The following NEMP2 variants were observed in gnomAD, a reference collection of about 807,000 sequenced individuals.
NEMP2 encodes UPF0571 transmembrane protein.
NEMP2 carries 53 observed loss-of-function variants against 54.2 expected under a neutral mutation model. That is an observed-to-expected ratio of 0.98 (90% CI 0.78 to 1.23). The LOEUF (loss-of-function observed/expected upper bound fraction) is 1.23, where lower values mean the gene tolerates loss of function less well. Among genes scored for constraint, NEMP2 ranks in the 50% most tolerant of loss-of-function variants. The pLI, the probability that NEMP2 is intolerant of heterozygous loss-of-function variation, is 0.00. For synonymous variants in NEMP2, 197 were observed against 190.3 expected (o/e 1.04, Z -0.29); for missense variants, 455 against 511.3 (o/e 0.89, Z 1.06).
the NEMP2 span, among the ~76,000 whole-genome samples, chr2:190,543,688 C>A: frequency 6.6e-6 from 1 of 152,090 alleles, no homozygotes; most frequent in East Asian, 1.9e-4. The surrounding 1 kb of genome is among the most constrained non-coding windows in gnomAD (Gnocchi z 4.7). Flanking sequence ...ATGTTAGGGG[C>A]TGTATATTTG....
the NEMP2 span, among the ~76,000 whole-genome samples, chr2:190,499,242 A>C: frequency 5.3e-5 from 8 of 152,356 alleles, no homozygotes; most frequent in South Asian, 1.4e-3. The surrounding 1 kb of genome is among the most constrained non-coding windows in gnomAD (Gnocchi z 6.0). Flanking sequence ...TATTCTTAGA[A>C]GTCATTATAC....
At position 190,521,142 on chromosome 2, in the gene NEMP2, A is replaced by G. The variant is rs1690738350; in HGVS notation, c.214-1959T>C. On this transcript the variant is annotated intron_variant, in intron 2 of 8. Transcript: ENST00000409150. This position sits in a 1 kb window ranked among gnomAD's most constrained non-coding sequence, Gnocchi z 6.2. ...GTTGCAGTCATTCATACCACATATT[A>G]CTATTCATTCATTCTTCCACCCTCT... 6.6e-6 allele frequency among the ~76,000 whole-genome samples: 1 copy of G among 152,122 alleles called. No individual in the cohort carries two copies. Among genetic ancestry groups the G allele is most frequent in the African/African-American group, 2.4e-5 (1 of 41,410 alleles).
chr2:190,566,288 G>A, the NEMP2 span, among the ~76,000 whole-genome samples: 2 of 152,184 alleles, frequency 1.3e-5, no homozygotes, highest in Non-Finnish European at 2.9e-5. Context: ...AAATATATGT[G>A]AGTGTGTTGA....
the NEMP2 span, chr2:190,437,224 G>A: frequency 9.9e-6 from 16 of 1,614,088 alleles, no homozygotes; most frequent in Middle Eastern, 1.6e-4. This position sits in a 1 kb window ranked among gnomAD's most constrained non-coding sequence, Gnocchi z 5.9. Flanking sequence ...TTTCAAAAAC[G>A]ATGATTCTAA....
At chr2:190,532,651 T>A (rs924520949) in intron 1 of NEMP2, among the ~76,000 whole-genome samples, 17 of 152,212 alleles carry the variant, frequency 1.1e-4, no homozygotes, top group African/African-American at 3.9e-4. Flanking sequence ...GTGTGTGTTA[T>A]TCAAGACAAA....
At chr2:190,600,674 T>A in the NEMP2 span, among the ~76,000 whole-genome samples, 1 of 152,118 alleles carries the variant, frequency 6.6e-6, no homozygotes, top group Non-Finnish European at 1.5e-5. This position sits in a 1 kb window ranked among gnomAD's most constrained non-coding sequence, Gnocchi z 4.9. Context: ...GCCAGCCCCC[T>A]TTTCACCTTT....
the NEMP2 span, chr2:190,437,181 C>T: frequency 5.6e-6 from 9 of 1,614,216 alleles, no homozygotes; most frequent in Admixed American, 1.7e-5. This position sits in a 1 kb window ranked among gnomAD's most constrained non-coding sequence, Gnocchi z 5.9. Context: ...TGGCCTTGAT[C>T]GTTGCCACTC....
chr2:190,489,543 C>G, the NEMP2 span, among the ~76,000 whole-genome samples: 1 of 152,170 alleles, frequency 6.6e-6, no homozygotes. The surrounding 1 kb of genome is among the most constrained non-coding windows in gnomAD (Gnocchi z 6.6). Context: ...TATATAAATG[C>G]AGTTTTATAA....
At chr2:190,602,309 C>T in the NEMP2 span, among the ~76,000 whole-genome samples, 74 of 152,320 alleles carry the variant, frequency 4.9e-4, no homozygotes, top group Non-Finnish European at 9.7e-4. Flanking sequence ...TTCTGCAGGG[C>T]ATCAGGCTGG....
At position 190,514,022 on chromosome 2, in the gene NEMP2, G is replaced by A. The variant is rs912535783; in HGVS notation, c.953+431C>T. Among the ~76,000 whole-genome samples the A allele has an allele frequency of 6.6e-6, 1 of 152,176 alleles. No individual in the cohort carries two copies. Among genetic ancestry groups the A allele is most frequent in the African/African-American group, 2.4e-5 (1 of 41,448 alleles). ...CCTTAACTAAAAACCTAAGAGAAAA[G>A]AAAGTCCTAAATACAAATAATACCT... On this transcript the variant is annotated intron_variant, in intron 7 of 8. Coordinates refer to ENST00000409150, the MANE Select transcript of NEMP2 (RefSeq NM_001142645.2). The surrounding 1 kb of genome is among the most constrained non-coding windows in gnomAD (Gnocchi z 5.7).
In NEMP2 at chr2:190,512,879, C is replaced by T. The variant is rs1690416514; in HGVS notation, c.953+1574G>A. On this transcript the variant is annotated intron_variant, in intron 7 of 8. Coordinates refer to ENST00000409150, the MANE Select transcript of NEMP2 (RefSeq NM_001142645.2). This position sits in a 1 kb window ranked among gnomAD's most constrained non-coding sequence, Gnocchi z 4.5. ...CTTCTGTGCGGGCTCCCTGTCCTGT[C>T]AATGGTGCAATTTTAACCCTGTGAT... Among the ~76,000 whole-genome samples the T allele has an allele frequency of 6.6e-6, 1 of 152,216 alleles. No individual in the cohort carries two copies. Among genetic ancestry groups the T allele is most frequent in the African/African-American group, 2.4e-5 (1 of 41,458 alleles).
chr2:190,472,187 C>A, the NEMP2 span, among the ~76,000 whole-genome samples: 4 of 152,210 alleles, frequency 2.6e-5, no homozygotes, highest in African/African-American at 9.7e-5. Flanking sequence ...GAGCACCTCT[C>A]CTCCTCCAAA....
the NEMP2 span, among the ~76,000 whole-genome samples, chr2:190,593,981 T>G: frequency 1.1e-4 from 16 of 152,332 alleles, no homozygotes; most frequent in South Asian, 1.2e-3. This position sits in a 1 kb window ranked among gnomAD's most constrained non-coding sequence, Gnocchi z 4.5. Flanking sequence ...CTTCTCCACC[T>G]GTAACTCACC....
At chr2:190,627,457 A>G in the NEMP2 span, among the ~76,000 whole-genome samples, 3 of 152,234 alleles carry the variant, frequency 2.0e-5, no homozygotes, top group Non-Finnish European at 2.9e-5. The surrounding 1 kb of genome is among the most constrained non-coding windows in gnomAD (Gnocchi z 4.4). Context: ...GGGAATTTCT[A>G]TAAGTGTTCA....
chr2:190,634,085 A>T, the NEMP2 span, among the ~76,000 whole-genome samples: 4 of 152,148 alleles, frequency 2.6e-5, no homozygotes, highest in Non-Finnish European at 4.4e-5. This position sits in a 1 kb window ranked among gnomAD's most constrained non-coding sequence, Gnocchi z 6.8. Context: ...AAAAAAAGAA[A>T]AGTATCAAAT....
chr2:190,469,342 A>G, the NEMP2 span, among the ~76,000 whole-genome samples: 1 of 152,046 alleles, frequency 6.6e-6, no homozygotes, highest in African/African-American at 2.4e-5. This position sits in a 1 kb window ranked among gnomAD's most constrained non-coding sequence, Gnocchi z 5.3. Context: ...TCCTTCCCCC[A>G]TTGTAGTGAA....
chr2:190,595,561 A>G, the NEMP2 span, among the ~76,000 whole-genome samples: 2 of 152,234 alleles, frequency 1.3e-5, no homozygotes, highest in African/African-American at 2.4e-5. This position sits in a 1 kb window ranked among gnomAD's most constrained non-coding sequence, Gnocchi z 4.0. Context: ...TTTACAAGAA[A>G]AAAACAACCC....
rs2125323698 is a variant in NEMP2 at position 190,519,380 on chromosome 2, C to T, written c.214-197G>A. Among the ~76,000 whole-genome samples, 1 of 152,182 alleles carries T rather than the reference C, an allele frequency of 6.6e-6. No individual in the cohort carries two copies. Among genetic ancestry groups the T allele is most frequent in the Admixed American group, 6.5e-5 (1 of 15,278 alleles). On this transcript the variant is annotated intron_variant, in intron 2 of 8. Transcript: ENST00000409150. The surrounding 1 kb of genome is among the most constrained non-coding windows in gnomAD (Gnocchi z 5.4). Reference sequence around the variant, plus strand: ...GGGACCACAGGCACATGCCACCTGCCCAGCTAATTTTTGTATTTTTTGTAG... The same window carrying T: ...GGGACCACAGGCACATGCCACCTGCTCAGCTAATTTTTGTATTTTTTGTAG...
chr2:190,435,824 C>G, the NEMP2 span: 7 of 628,560 alleles, frequency 1.1e-5, no homozygotes, highest in South Asian at 3.3e-5. Flanking sequence ...TTTTCCTTAC[C>G]GGTATTGTGT....
Sources: allele counts gnomAD v4.1 joint callset (sites outside exome capture counted in the v4.1 genomes callset), GRCh38; gene constraint gnomAD v4.1.1; non-coding constraint Gnocchi (gnomAD v3.1); transcripts MANE v1.5; gene names NCBI Gene and HGNC (gene_info 2026-07-23, HGNC 2026-07-21).